The following HSPG2 variants were observed in gnomAD, a reference collection of about 807,000 sequenced individuals.
HSPG2 encodes basement membrane-specific heparan sulfate proteoglycan core protein.
In HSPG2, 278 loss-of-function variants were observed where a neutral mutation model predicts 526.6. The ratio of observed to expected loss-of-function variants is 0.53; its 90% CI spans 0.48 to 0.58. HSPG2 has a LOEUF of 0.58. Among genes scored for constraint, HSPG2 ranks in the 20% least tolerant of loss-of-function variants. HSPG2 has a pLI of 0.00. For synonymous variants in HSPG2, 2,465 were observed against 2,555.4 expected, an observed-to-expected ratio of 0.96 and a Z score of 1.07; for missense variants, 5,354 against 6,099.5, an observed-to-expected ratio of 0.88 and a Z score of 4.07.
At position 21,864,860 on chromosome 1, in the gene HSPG2, T is replaced by A; in HGVS notation, c.4609A>T (p.Ile1537Phe). ...VEECRCPPGY[I>F]GLSCQDCAPG... ...ACACTCACCTGGCAGGACAGACCGATGTAGCCTGGCGGGCAGCGGCACTCC... is the reference window on the plus strand; with the variant it reads ...ACACTCACCTGGCAGGACAGACCGAAGTAGCCTGGCGGGCAGCGGCACTCC... The change falls in exon 36 of 97, where the codon ATC (isoleucine) becomes TTC (phenylalanine). Residue 1537 changes from isoleucine to phenylalanine, a missense_variant. Transcript: ENST00000374695. The surrounding 1 kb of genome is among the most constrained non-coding windows in gnomAD (Gnocchi z 4.8). 6.2e-7 allele frequency: 1 copy of A among 1,610,452 alleles called. No individual in the cohort carries two copies. Among genetic ancestry groups the A allele is most frequent in the Non-Finnish European group, 8.5e-7 (1 of 1,179,246 alleles).
At chr1:21,897,595 G>T (rs1359889756) in intron 1 of HSPG2, among the ~76,000 whole-genome samples, 2 of 152,160 alleles carry the variant, frequency 1.3e-5, no homozygotes, top group African/African-American at 2.4e-5. Flanking sequence ...ACCTACTCAG[G>T]AATAAGGAGG....
Position 21,855,605 on chromosome 1 carries a change from C to T in HSPG2, c.5772G>A (p.Glu1924=). 6.3e-7 allele frequency: 1 copy of T among 1,583,092 alleles called. No homozygotes were observed. The highest frequency in any genetic ancestry group is 1.8e-5 in the Admixed American group (1 of 55,514). Residue 1924 remains glutamate (E), a synonymous_variant, in exon 46 of 97, where the codon GAG becomes GAA. Coordinates refer to ENST00000374695, the MANE Select transcript of HSPG2 (RefSeq NM_005529.7). ...HGGILRLPAV[E]PTDQAQYLCR... ...ACAAGTACTGGGCCTGATCCGTGGG[C>T]TCGACAGCTGGCAGGCGCAGGATGC...
At chr1:21,912,309 T>C (rs532340902) in intron 1 of HSPG2, among the ~76,000 whole-genome samples, 1 of 152,272 alleles carries the variant, frequency 6.6e-6, no homozygotes, top group South Asian at 2.1e-4. Context: ...ACCTAAGTGC[T>C]AGTATCAGGC....
In HSPG2 at chr1:21,831,477, C is replaced by T. The variant is rs1177854732; in HGVS notation, c.11438G>A (p.Ser3813Asn). The T allele has an allele frequency of 6.2e-6, 10 of 1,614,058 alleles. No homozygotes were observed. The highest frequency in any genetic ancestry group is 1.7e-4 in the Middle Eastern group (1 of 6,058). The change falls in exon 83 of 97, where the codon AGC (serine) becomes AAC (asparagine). Residue 3813 changes from serine (S) to asparagine (N), a missense_variant. Physicochemically the swap from Ser to Asn is conservative, Grantham distance 46. Transcript: ENST00000374695. ...AGGGGGCTCACCTATGAAGCCGCTG[C>T]TCAGCCCCGCCTTGGGGATGGCACC... ...DYGAIPKAGL[S>N]SGFIGCVREL...
chr1:21,913,775 G>A (rs949755893), intron 1 of HSPG2, among the ~76,000 whole-genome samples: 6 of 152,208 alleles, frequency 3.9e-5, no homozygotes, highest in Non-Finnish European at 7.3e-5. Flanking sequence ...CCCATCATAC[G>A]TGGATTCTGA....
In HSPG2 at chr1:21,829,460, T is replaced by G; in HGVS notation, c.11915A>C (p.Lys3972Thr). The G allele has an allele frequency of 8.7e-6, 14 of 1,613,324 alleles. No individual in the cohort carries two copies. Among genetic ancestry groups the G allele is most frequent in the Non-Finnish European group, 1.2e-5 (14 of 1,179,830 alleles). The part of the protein sequence containing the change: ...PDGVLLFSGG[K>T]SGPVEDFVSL... ...CACGAAGTCCTCCACAGGCCCGCTC[T>G]TCCCCCCGCTGAACAGCAGGACCCC... Residue 3972 changes from lysine to threonine, a missense_variant, in exon 87 of 97, where the codon AAG (lysine) becomes ACG (threonine). Coordinates refer to ENST00000374695, the MANE Select transcript of HSPG2 (RefSeq NM_005529.7).
intron 33 of HSPG2, among the ~76,000 whole-genome samples, chr1:21,871,602 G>A (rs1008069879): frequency 9.9e-5 from 15 of 152,148 alleles, no homozygotes; most frequent in African/African-American, 2.4e-4. Context: ...TTTGGATCCC[G>A]GCATTCCCAC....
Position 21,841,233 on chromosome 1 carries a change from T to TC in HSPG2, c.9380dup (p.Ala3129GlyfsTer48). The TC allele has an allele frequency of 6.2e-7, 1 of 1,613,908 alleles. No individual in the cohort carries two copies. Among genetic ancestry groups the TC allele is most frequent in the Non-Finnish European group, 8.5e-7 (1 of 1,180,044 alleles). ...TGACACACTCCAGGGTGACAGCCTT[T>TC]CCCACTTTCACCCACACGGGGCCCT... On this transcript the variant is annotated frameshift_variant, in exon 71 of 97. Transcript: ENST00000374695. LOFTEE classifies it high-confidence loss of function.
intron 39 of HSPG2, among the ~76,000 whole-genome samples, chr1:21,861,078 C>T (rs1639751874): frequency 6.6e-6 from 1 of 152,186 alleles, no homozygotes; most frequent in South Asian, 2.1e-4. Flanking sequence ...TTTGTAAATA[C>T]ACATTTGCAC....
In HSPG2 at chr1:21,875,726, C is replaced by T. The variant is rs1275021537; in HGVS notation, c.3205G>A (p.Gly1069Arg). The T allele has an allele frequency of 1.2e-6, 2 of 1,604,998 alleles. No homozygotes were observed. The highest frequency in any genetic ancestry group is 8.5e-7 in the Non-Finnish European group (1 of 1,179,948). Residue 1069 changes from glycine (G) to arginine (R), a missense_variant, in exon 25 of 97, where the codon GGG (glycine) becomes AGG (arginine). Coordinates refer to ENST00000374695, the MANE Select transcript of HSPG2 (RefSeq NM_005529.7). ...FREQAWQRPD[G>R]QPATREHLLM... ...AGGTGCTCCCGTGTGGCTGGCTGCC[C>T]ATCGGGCCGCTGCCATGCTTGCTGC...
chr1:21,833,756 C>G lies in HSPG2; in HGVS notation c.10830+60G>C, dbSNP rs188615447. ...GTGCCACATCCTGGGGACACTGAGA[C>G]GCTTCAGATCTGTTCCCAGCCCCCA... On this transcript the variant is annotated intron_variant, in intron 78 of 96. Coordinates refer to ENST00000374695, the MANE Select transcript of HSPG2 (RefSeq NM_005529.7). 70 of 1,510,382 alleles carry G rather than the reference C, an allele frequency of 4.6e-5. No homozygotes were observed. The Admixed American group carries it at 1.3e-3, about 27-fold the overall frequency. 93.6% of individuals were successfully genotyped at this position (1,510,382 alleles called of 1,614,324 possible). A position where few individuals can be genotyped will look rare whatever the true frequency, so the allele number is the denominator to read the frequency against.
chr1:21,903,886 G>C (rs930467455), intron 1 of HSPG2, among the ~76,000 whole-genome samples: 5 of 152,188 alleles, frequency 3.3e-5, no homozygotes, highest in African/African-American at 1.2e-4. Flanking sequence ...CCAGCCGGTG[G>C]GGCAGAGCAG....
rs1006470160 is a variant in HSPG2, at chr1:21,859,685, G to A, written c.5183-9C>T. 1 of 1,601,016 alleles carries A rather than the reference G, an allele frequency of 6.2e-7. No homozygotes were observed. Among genetic ancestry groups the A allele is most frequent in the African/African-American group, 1.3e-5 (1 of 74,794 alleles). The stretch of plus-strand genomic sequence containing the variant: ...GAAGTGGAGCTCGGAGCCTGGTGGG[G>A]AGGAGACAAGAGCTTGTTGGTGCAG... On this transcript the variant is annotated splice_polypyrimidine_tract_variant and intron_variant, in intron 41 of 96. Transcript: ENST00000374695. The surrounding 1 kb of genome is among the most constrained non-coding windows in gnomAD (Gnocchi z 5.3).
chr1:21,827,794 T>G, intron 91 of HSPG2, 69 bp downstream of exon 91: 1 of 1,482,298 alleles, frequency 6.7e-7, no homozygotes, highest in Non-Finnish European at 9.2e-7. Flanking sequence ...AGGCCAGAAT[T>G]GAGGGTGTGG....
rs766883399 is a variant in HSPG2 at position 21,885,080 on chromosome 1, C to T, written c.1288G>A (p.Ala430Thr). 3.1e-6 allele frequency: 5 copies of T among 1,613,754 alleles called. No homozygotes were observed. Among genetic ancestry groups the T allele is most frequent in the Non-Finnish European group, 4.2e-6 (5 of 1,179,972 alleles). The change falls in exon 11 of 97, where the codon GCC becomes ACC. Residue 430 changes from alanine (A) to threonine (T), a missense_variant. Transcript: ENST00000374695. ...ATGATGGGGGTGGGGACGCCAATGG[C>T]CACGCAGGTGAAGGTCACTGTCTGG... ...RGQTVTFTCV[A>T]IGVPTPIINW...
chr1:21,884,384 T>G (rs1314092411), intron 13 of HSPG2, 144 bp downstream of exon 13: 11 of 1,187,292 alleles, frequency 9.3e-6, no homozygotes, highest in Non-Finnish European at 1.2e-5. Context: ...GAAATGCTTT[T>G]TTGACAGGGC....
rs111417196 is a variant in HSPG2 at position 21,846,888 on chromosome 1, T to C, written c.8165-289A>G. ...GGTGGCATGTGCCTGTAGTCTCAGC[T>C]ACTCGGGAAGCTGAGACAGGAGAAT... On this transcript the variant is annotated intron_variant, in intron 62 of 96. Coordinates refer to ENST00000374695, the MANE Select transcript of HSPG2 (RefSeq NM_005529.7). 3.0e-3 allele frequency among the ~76,000 whole-genome samples: 461 copies of C among 152,148 alleles called. 4 individuals carry two copies. The highest frequency in any genetic ancestry group is 0.01 in the African/African-American group (426 of 41,488).
In HSPG2 at chr1:21,831,608, G is replaced by C. The variant is rs756750770; in HGVS notation, c.11352+44C>G. The C allele has an allele frequency of 6.2e-6, 10 of 1,613,346 alleles. No homozygotes were observed. The African/African-American group carries it at 1.3e-4, about 22-fold the overall frequency. ...GGAATGGCAACAGAGGCTGGGCAAG[G>C]GCGGGATGAGGGCTGGAAGTAGCAG... On this transcript the variant is annotated intron_variant, in intron 82 of 96. Coordinates refer to ENST00000374695, the MANE Select transcript of HSPG2 (RefSeq NM_005529.7).
chr1:21,865,740 A>G lies in HSPG2; in HGVS notation c.4291T>C (p.Ser1431Pro). 1 of 1,613,796 alleles carries G rather than the reference A, an allele frequency of 6.2e-7. No homozygotes were observed. Among genetic ancestry groups the G allele is most frequent in the South Asian group, 1.1e-5 (1 of 91,066 alleles). Residue 1431 changes from serine to proline, a missense_variant, in exon 34 of 97, where the codon TCT (serine) becomes CCT (proline). Physicochemically the swap from Ser to Pro is moderately conservative, Grantham distance 74. Transcript: ENST00000374695. This position sits in a 1 kb window ranked among gnomAD's most constrained non-coding sequence, Gnocchi z 5.4. Reference sequence around the variant, plus strand: ...ACCGTGATCTGCACATCGGGGTCAGAGAGTGGGCTGCCCTGTGGGCCTGCT... The same window carrying G: ...ACCGTGATCTGCACATCGGGGTCAGGGAGTGGGCTGCCCTGTGGGCCTGCT... ...YTAGPQGSPL[S>P]DPDVQITGNN...
Sources: gnomAD v4.1 joint callset for allele counts (sites outside exome capture counted in the v4.1 genomes callset) on GRCh38, gnomAD v4.1.1 for gene constraint, Gnocchi (gnomAD v3.1) non-coding constraint, MANE v1.5 for transcripts, NCBI Gene and HGNC (gene_info 2026-07-23, HGNC 2026-07-21) for gene names.